SFT2D2: variants seen among roughly 807,000 people sequenced by gnomAD.
The protein encoded by SFT2D2 is SFT2 domain containing 2, also known as vesicle transport protein SFT2B.
In SFT2D2, 21 loss-of-function variants were observed where a neutral mutation model predicts 27.4. The observed-to-expected ratio is 0.77, with a 90% CI of 0.54 to 1.10. The LOEUF (loss-of-function observed/expected upper bound fraction) is 1.10, where lower values mean the gene tolerates loss of function less well. Ranked by LOEUF, SFT2D2 falls within the 50% of genes least tolerant of loss-of-function variation. The pLI is 0.00. For synonymous variants in SFT2D2, 72 were observed against 71.7 expected (o/e 1.00, Z -0.02); for missense variants, 187 against 194.2 (o/e 0.96, Z 0.22).
chr1:168,241,924 A>G (rs1234285444), intron 7 of SFT2D2, among the ~76,000 whole-genome samples: 5 of 152,200 alleles, frequency 3.3e-5, no homozygotes, highest in African/African-American at 9.7e-5. Flanking sequence ...CACATTGCAC[A>G]GTGTGGTGTG....
Position 168,226,021 on chromosome 1 carries a change from ACT to A in SFT2D2, c.-58_-57del. 6.9e-7 allele frequency: 1 copy of A among 1,446,478 alleles called. No individual in the cohort carries two copies. The highest frequency in any genetic ancestry group is 9.2e-7 in the Non-Finnish European group (1 of 1,088,334). The allele number at this position is 1,446,478 out of a possible 1,614,324, so 89.6% of individuals were successfully genotyped here. On this transcript the variant is annotated 5_prime_UTR_variant, in exon 1 of 8. Coordinates refer to ENST00000271375, the MANE Select transcript of SFT2D2 (RefSeq NM_199344.3). ...TGCCTAGCACCCGGAAGAGCCGTCAACTTAGCGAGCGCAACAGGCTGCCGCTG... is the reference window on the plus strand; with the variant it reads ...TGCCTAGCACCCGGAAGAGCCGTCAATAGCGAGCGCAACAGGCTGCCGCTG...
At chr1:168,242,436 G>A in intron 7 of SFT2D2, 65 bp from the exon 8 acceptor site, 1 of 1,581,292 alleles carries the variant, frequency 6.3e-7, no homozygotes, top group Non-Finnish European at 8.7e-7. Context: ...CACTCTGGGT[G>A]CCCTCTAAAG....
At chr1:168,229,250 C>T (rs750955943) in intron 1 of SFT2D2, among the ~76,000 whole-genome samples, 1 of 152,200 alleles carries the variant, frequency 6.6e-6, no homozygotes, top group Non-Finnish European at 1.5e-5. Context: ...AGCGGAGTCT[C>T]GCTCTGTCGC....
At position 168,245,100 on chromosome 1, in the gene SFT2D2, G is replaced by C. The variant is rs1647773916; in HGVS notation, c.*2560G>C. 1.3e-5 allele frequency: 2 copies of C among 152,148 alleles called. No individual in the cohort carries two copies. Among genetic ancestry groups the C allele is most frequent in the Non-Finnish European group, 2.9e-5 (2 of 68,020 alleles). The allele number at this position is 152,148 out of a possible 1,614,324, so 9.4% of individuals were successfully genotyped here. A position where few individuals can be genotyped will look rare whatever the true frequency, so the allele number is the denominator to read the frequency against. On this transcript the variant is annotated 3_prime_UTR_variant, in exon 8 of 8. Transcript: ENST00000271375. The stretch of plus-strand genomic sequence containing the variant: ...TAGCCACTGCAATCATGTTTTAATT[G>C]GGAGTAGGGGGAAAGAGGGAGGGAA...
intron 3 of SFT2D2, among the ~76,000 whole-genome samples, chr1:168,232,495 A>G (rs774654601): frequency 5.9e-5 from 9 of 152,136 alleles, no homozygotes; most frequent in Non-Finnish European, 1.2e-4. Flanking sequence ...CCTGGCCTCT[A>G]CCTGAATGAC....
In SFT2D2 at chr1:168,248,499, A is replaced by G. The variant is rs1263571928; in HGVS notation, c.*5959A>G. On this transcript the variant is annotated 3_prime_UTR_variant, in exon 8 of 8. Transcript: ENST00000271375. The stretch of plus-strand genomic sequence containing the variant: ...GTATGATATTGGCTGTGGGTTTGTC[A>G]TAAATAGCTCTTCTTATTTTGAGAT... 1 of 152,216 alleles carries G rather than the reference A, an allele frequency of 6.6e-6. No individual in the cohort carries two copies. The highest frequency in any genetic ancestry group is 1.5e-5 in the Non-Finnish European group (1 of 68,050). The allele number at this position is 152,216 out of a possible 1,614,324, so 9.4% of individuals were successfully genotyped here.
chr1:168,233,279 T>C (rs1462905038), intron 3 of SFT2D2, among the ~76,000 whole-genome samples: 1 of 152,232 alleles, frequency 6.6e-6, no homozygotes, highest in African/African-American at 2.4e-5. Context: ...AAGACCTGGC[T>C]CAAAAGCTAC....
At chr1:168,229,004 T>C (rs1043771529) in intron 1 of SFT2D2, among the ~76,000 whole-genome samples, 3 of 152,172 alleles carry the variant, frequency 2.0e-5, no homozygotes, top group African/African-American at 7.2e-5. Context: ...TGACCAAGTG[T>C]GAATGTAAAA....
chr1:168,231,924 CTG>C lies in SFT2D2; in HGVS notation c.236+7_236+8del, dbSNP rs1235393900. On this transcript the variant is annotated splice_donor_region_variant and intron_variant, in intron 3 of 7. Transcript: ENST00000271375. ...TAATATCGCATCAATTGGGAGGTAA[CTG>C]TTTTTTAAAAATCCAATTTTAGCCA... 14 of 1,613,216 alleles carry C rather than the reference CTG, an allele frequency of 8.7e-6. No individual in the cohort carries two copies. Among genetic ancestry groups the C allele is most frequent in the East Asian group, 4.5e-5 (2 of 44,888 alleles).
At chr1:168,240,123 C>T (rs1647610190) in intron 7 of SFT2D2, among the ~76,000 whole-genome samples, 1 of 143,900 alleles carries the variant, frequency 6.9e-6, no homozygotes, top group Non-Finnish European at 1.5e-5. Flanking sequence ...TGCAGTGAGT[C>T]GAGATGGCGC....
intron 3 of SFT2D2, 23 bp downstream of exon 3, chr1:168,231,942 A>G (rs1572451488): frequency 1.9e-6 from 3 of 1,601,694 alleles, no homozygotes; most frequent in East Asian, 4.5e-5. Flanking sequence ...TAAAAATCCA[A>G]TTTTAGCCAA....
chr1:168,226,019 C>A lies in SFT2D2; in HGVS notation c.-61C>A. 1.4e-6 allele frequency: 2 copies of A among 1,436,708 alleles called. No individual in the cohort carries two copies. The highest frequency in any genetic ancestry group is 1.4e-5 in the South Asian group (1 of 70,942). 89.0% of individuals were successfully genotyped at this position (1,436,708 alleles called of 1,614,324 possible). On this transcript the variant is annotated 5_prime_UTR_variant, in exon 1 of 8. Coordinates refer to ENST00000271375, the MANE Select transcript of SFT2D2 (RefSeq NM_199344.3). The stretch of plus-strand genomic sequence containing the variant: ...GCTGCCTAGCACCCGGAAGAGCCGT[C>A]AACTTAGCGAGCGCAACAGGCTGCC...
intron 7 of SFT2D2, among the ~76,000 whole-genome samples, chr1:168,240,303 T>G (rs187558583): frequency 7.0e-4 from 105 of 150,628 alleles, no homozygotes; most frequent in Non-Finnish European, 1.3e-3. Context: ...TATTGAGGAG[T>G]GATTGATTGG....
In SFT2D2 at chr1:168,242,705, A is replaced by C; in HGVS notation, c.*165A>C. 1.3e-6 allele frequency: 1 copy of C among 796,164 alleles called. No individual in the cohort carries two copies. Among genetic ancestry groups the C allele is most frequent in the Non-Finnish European group, 2.1e-6 (1 of 476,150 alleles). The allele number at this position is 796,164 out of a possible 1,614,324, so 49.3% of individuals were successfully genotyped here. ...TTGAGGGTTACTTTTGGAAGCAACA[A>C]TACATTCTCGAACCTGAATGTCAGT... On this transcript the variant is annotated 3_prime_UTR_variant, in exon 8 of 8. Transcript: ENST00000271375.
intron 7 of SFT2D2, among the ~76,000 whole-genome samples, chr1:168,240,676 G>C (rs1647620369): frequency 6.6e-6 from 1 of 152,198 alleles, no homozygotes; most frequent in Admixed American, 6.5e-5. Context: ...CACATTGGGA[G>C]GCTGAGGTGT....
Position 168,242,623 on chromosome 1 carries a change from G to C in SFT2D2, c.*83G>C. Reference sequence around the variant, plus strand: ...TTTTGTAACTATCTTCGAAACCTCTGTCTTACAGACATGTGCCTTTTATCT... The same window carrying C: ...TTTTGTAACTATCTTCGAAACCTCTCTCTTACAGACATGTGCCTTTTATCT... On this transcript the variant is annotated 3_prime_UTR_variant, in exon 8 of 8. Transcript: ENST00000271375. 1 of 1,507,072 alleles carries C rather than the reference G, an allele frequency of 6.6e-7. No individual in the cohort carries two copies. The allele number at this position is 1,507,072 out of a possible 1,614,324, so 93.4% of individuals were successfully genotyped here.
In SFT2D2 at chr1:168,242,865, G is replaced by A; in HGVS notation, c.*325G>A. Reference sequence around the variant, plus strand: ...CAGCAACAGCACATAAGCCTTGGGTGCAAGTGATTCCCAGGTGGCAAAAGG... The same window carrying A: ...CAGCAACAGCACATAAGCCTTGGGTACAAGTGATTCCCAGGTGGCAAAAGG... On this transcript the variant is annotated 3_prime_UTR_variant, in exon 8 of 8. Coordinates refer to ENST00000271375, the MANE Select transcript of SFT2D2 (RefSeq NM_199344.3). 1 of 332,934 alleles carries A rather than the reference G, an allele frequency of 3.0e-6. No homozygotes were observed. The highest frequency in any genetic ancestry group is 4.0e-5 in the Admixed American group (1 of 25,146). 20.6% of individuals were successfully genotyped at this position (332,934 alleles called of 1,614,324 possible). A position where few individuals can be genotyped will look rare whatever the true frequency, so the allele number is the denominator to read the frequency against.
At chr1:168,239,946 C>A (rs942910355) in intron 7 of SFT2D2, among the ~76,000 whole-genome samples, 2 of 151,140 alleles carry the variant, frequency 1.3e-5, no homozygotes, top group Non-Finnish European at 2.9e-5. Flanking sequence ...GAGGCCGAGG[C>A]GGGTGGATCC....
At chr1:168,228,736 C>G (rs1700485224) in intron 1 of SFT2D2, among the ~76,000 whole-genome samples, 1 of 152,186 alleles carries the variant, frequency 6.6e-6, no homozygotes, top group African/African-American at 2.4e-5. Context: ...AAGAGCCCCT[C>G]TTCTCTCCAC....
Sources: allele counts gnomAD v4.1 joint callset (sites outside exome capture counted in the v4.1 genomes callset), GRCh38; gene constraint gnomAD v4.1.1; transcripts MANE v1.5; gene names NCBI Gene and HGNC (gene_info 2026-07-23, HGNC 2026-07-21).